The following PTOV1 variants were observed in gnomAD, a reference collection of about 807,000 sequenced individuals.
PTOV1 encodes PTOV1 extended AT-hook containing adaptor protein, also known as prostate tumor-overexpressed gene 1 protein.
A neutral mutation model predicts 58.0 loss-of-function variants in PTOV1; 20 were observed. The ratio of observed to expected loss-of-function variants is 0.34; its 90% CI spans 0.24 to 0.50. PTOV1 has a LOEUF of 0.50. Among genes scored for constraint, PTOV1 ranks in the 20% least tolerant of loss-of-function variants. PTOV1 has a pLI of 0.98. For synonymous variants in PTOV1, 335 were observed against 234.2 expected (o/e 1.43, Z -3.93); for missense variants, 593 against 565.4 (o/e 1.05, Z -0.50).
At chr19:49,854,063 A>ACAG (rs1363829556) in intron 1 of PTOV1, among the ~76,000 whole-genome samples, 1 of 152,208 alleles carries the variant, frequency 6.6e-6, no homozygotes. Flanking sequence ...AAAGCCCCCT[A>ACAG]CAGCTGGCTT....
chr19:49,860,048 C>T (rs766530938), exon 11 of PTOV1: 8 of 1,614,236 alleles, frequency 5.0e-6, no homozygotes, highest in Middle Eastern at 1.6e-4. Flanking sequence ...TGCTCCTGTA[C>T]TCTTCAGAGA....
Position 49,857,465 on chromosome 19 carries a change from T to C in PTOV1, c.715-228T>C. 4.9e-6 allele frequency: 3 copies of C among 615,124 alleles called. No individual in the cohort carries two copies. In the South Asian group the frequency reaches 5.9e-5, roughly 12 times the overall value. The allele number at this position is 615,124 out of a possible 1,614,324, so 38.1% of individuals were successfully genotyped here. ...ATGCCTTGCCAGTTGAGGCAGACTCTGCAGGTCCTGTGCACCAGGTGAGGG... is the reference window on the plus strand; with the variant it reads ...ATGCCTTGCCAGTTGAGGCAGACTCCGCAGGTCCTGTGCACCAGGTGAGGG... On this transcript the variant is annotated intron_variant, in intron 6 of 11. Transcript: ENST00000391842.
intron 4 of PTOV1, 27 bp from the exon 5 acceptor site, chr19:49,854,942 AC>A: frequency 2.1e-6 from 3 of 1,408,284 alleles, no homozygotes; most frequent in Non-Finnish European, 2.8e-6. Context: ...TGCCTGGCTG[AC>A]CCAGCTGTCT....
chr19:49,860,397 G>T, exon 12 of PTOV1: 1 of 1,118,066 alleles, frequency 8.9e-7, no homozygotes, highest in South Asian at 1.5e-5. Flanking sequence ...GGGTGGGGTT[G>T]GGAAAGAAGC....
intron 5 of PTOV1, chr19:49,856,377 G>A (rs2074467255): frequency 6.4e-6 from 1 of 155,370 alleles, no homozygotes; most frequent in Non-Finnish European, 1.4e-5. Flanking sequence ...AGCACTGTGG[G>A]GGTGGCCCGG....
At position 49,851,514 on chromosome 19, in the gene PTOV1, C is replaced by T; in HGVS notation, c.171+15C>T. On this transcript the variant is annotated intron_variant, in intron 1 of 11. Coordinates refer to ENST00000391842, the Ensembl canonical transcript of PTOV1. ...CCCCTCCCATGGTGAGCCCCCCGCC[C>T]TTTTTCCAGAGCCTTCCACGGCCCC... 1 of 1,202,554 alleles carries T rather than the reference C, an allele frequency of 8.3e-7. No individual in the cohort carries two copies. The highest frequency in any genetic ancestry group is 1.0e-6 in the Non-Finnish European group (1 of 965,826). 74.5% of individuals were successfully genotyped at this position (1,202,554 alleles called of 1,614,324 possible).
At chr19:49,858,220 G>C in intron 9 of PTOV1, 106 bp downstream of exon 9, 1 of 1,372,328 alleles carries the variant, frequency 7.3e-7, no homozygotes, top group Non-Finnish European at 9.9e-7. Context: ...GGCTGTGAGG[G>C]AGCGGAGCTG....
chr19:49,851,798 C>T (rs1203612810), intron 1 of PTOV1: 1 of 1,031,432 alleles, frequency 9.7e-7, no homozygotes, highest in Non-Finnish European at 1.2e-6. Context: ...GACAGGCAGC[C>T]GGCACGCTCG....
At chr19:49,850,722 A>T, upstream of PTOV1, 1 of 836,794 alleles carries the variant, frequency 1.2e-6, no homozygotes, top group Non-Finnish European at 1.7e-6. Flanking sequence ...CACGTCACCG[A>T]CTGCAAACCT....
intron 5 of PTOV1, chr19:49,855,561 G>A (rs2074427009): frequency 1.6e-5 from 3 of 187,206 alleles, no homozygotes; most frequent in Non-Finnish European, 3.4e-5. Flanking sequence ...CGGTGAGTAG[G>A]TCCTCAGGCC....
intron 5 of PTOV1, chr19:49,855,351 A>G (rs1425318540): frequency 2.2e-5 from 11 of 497,070 alleles, no homozygotes; most frequent in Non-Finnish European, 4.1e-5. Context: ...GACTGGGGCC[A>G]GCCCTGTTGG....
At chr19:49,860,181 G>A in exon 11 of PTOV1, 1 of 1,614,130 alleles carries the variant, frequency 6.2e-7, no homozygotes, top group South Asian at 1.1e-5. Flanking sequence ...ACAGCAACGA[G>A]GGGTGAGGTG....
chr19:49,851,281 C>A, exon 1 of PTOV1: 1 of 1,076,164 alleles, frequency 9.3e-7, no homozygotes, highest in Non-Finnish European at 1.1e-6. Context: ...GCCCGCAGCC[C>A]CCCTTGTGGC....
At chr19:49,858,322 G>A in intron 9 of PTOV1, 2 of 740,656 alleles carry the variant, frequency 2.7e-6, no homozygotes, top group Non-Finnish European at 4.4e-6. Context: ...GGACTGAGCG[G>A]GGCAGGGGCA....
At chr19:49,853,521 C>G (rs911803096) in intron 1 of PTOV1, among the ~76,000 whole-genome samples, 3 of 150,160 alleles carry the variant, frequency 2.0e-5, no homozygotes, top group Non-Finnish European at 4.4e-5. Flanking sequence ...AAAAATTAGC[C>G]GGGCATGATG....
chr19:49,857,841 G>T (rs549545057), intron 7 of PTOV1, 59 bp downstream of exon 7: 1 of 1,612,664 alleles, frequency 6.2e-7, no homozygotes, highest in South Asian at 1.1e-5. Flanking sequence ...CTGTGGCTGG[G>T]AGGGGACACT....
At chr19:49,850,749 C>G (rs1380933217), upstream of PTOV1, 3 of 1,087,420 alleles carry the variant, frequency 2.8e-6, no homozygotes, top group Non-Finnish European at 3.9e-6. Context: ...GTCTCAGGCT[C>G]GGGTGCAATC....
At chr19:49,851,729 G>T in intron 1 of PTOV1, 2 of 1,123,998 alleles carry the variant, frequency 1.8e-6, no homozygotes, top group Non-Finnish European at 2.2e-6. Flanking sequence ...ACGGGGGCGG[G>T]GCGGGCTCAT....
At chr19:49,851,373 C>CCCCCTCGGGGGT in exon 1 of PTOV1, 2 of 1,137,768 alleles carry the variant, frequency 1.8e-6, no homozygotes, top group Non-Finnish European at 2.2e-6. Flanking sequence ...GCGCCGGGGG[C>CCCCCTCGGGGGT]CCCCTCGGGG....
Sources: allele counts gnomAD v4.1 joint callset (sites outside exome capture counted in the v4.1 genomes callset), GRCh38; gene constraint gnomAD v4.1.1; transcripts MANE v1.5; gene names NCBI Gene and HGNC (gene_info 2026-07-23, HGNC 2026-07-21).